The following ZBTB7C variants were observed in gnomAD, a reference collection of about 807,000 sequenced individuals.
The protein encoded by ZBTB7C is zinc finger and BTB domain containing 7C, also known as zinc finger and BTB domain-containing protein 7C.
Under a neutral mutation model 25.7 loss-of-function variants are expected in ZBTB7C, and 8 were observed. The ratio of observed to expected loss-of-function variants is 0.31; its 90% CI spans 0.18 to 0.56. The LOEUF (loss-of-function observed/expected upper bound fraction) is 0.56. Ranked by LOEUF, ZBTB7C falls within the 20% of genes least tolerant of loss-of-function variation. ZBTB7C has a pLI of 0.91. For missense variants in ZBTB7C, 824 were observed against 855.2 expected, an observed-to-expected ratio of 0.96 and a Z score of 0.46; for synonymous variants, 394 against 369.0, an observed-to-expected ratio of 1.07 and a Z score of -0.78.
At chr18:48,057,321 C>A (rs752018684) in intron 3 of ZBTB7C, among the ~76,000 whole-genome samples, 21 of 151,848 alleles carry the variant, frequency 1.4e-4, no homozygotes, top group South Asian at 8.3e-4. Context: ...ATTCTATAGC[C>A]AACAATTGGA....
At chr18:48,270,689 C>CA (rs35344797) in intron 2 of ZBTB7C, among the ~76,000 whole-genome samples, 5,521 of 88,028 alleles carry the variant, frequency 0.063, 171 homozygotes, top group Middle Eastern at 0.13. Flanking sequence ...GACTCTGTCT[C>CA]AAAAAAAAAA....
At chr18:48,062,847 T>C (rs2144334564) in intron 3 of ZBTB7C, among the ~76,000 whole-genome samples, 1 of 152,356 alleles carries the variant, frequency 6.6e-6, no homozygotes, top group East Asian at 1.9e-4. Flanking sequence ...TCTACCTGGT[T>C]GTGGCAGAAA....
intron 3 of ZBTB7C, among the ~76,000 whole-genome samples, chr18:48,164,824 A>C (rs2041187618): frequency 6.6e-6 from 1 of 152,156 alleles, no homozygotes; most frequent in South Asian, 2.1e-4. Flanking sequence ...GATACTGTTC[A>C]GATGACTTTA....
intron 2 of ZBTB7C, among the ~76,000 whole-genome samples, chr18:48,286,973 C>T (rs1265225043): frequency 2.0e-5 from 3 of 152,086 alleles, no homozygotes; most frequent in South Asian, 4.2e-4. Flanking sequence ...ATTGCTTGAG[C>T]CCAGAAGGCA....
chr18:48,039,780 G>T, intron 4 of ZBTB7C, 120 bp downstream of exon 4: 2 of 1,047,848 alleles, frequency 1.9e-6, no homozygotes, highest in South Asian at 1.4e-5. Context: ...CTAGCCACGA[G>T]CCTGCATGTG....
intron 2 of ZBTB7C, among the ~76,000 whole-genome samples, chr18:48,316,832 C>T (rs939282967): frequency 6.6e-6 from 1 of 152,192 alleles, no homozygotes; most frequent in African/African-American, 2.4e-5. Flanking sequence ...AATGAAGAGA[C>T]CTCGTTCTAC....
chr18:48,279,632 C>T (rs1358562735), intron 2 of ZBTB7C, among the ~76,000 whole-genome samples: 1 of 152,170 alleles, frequency 6.6e-6, no homozygotes, highest in East Asian at 1.9e-4. Context: ...CCCAAAATGG[C>T]CTGCACTTGG....
chr18:48,089,609 C>T (rs762565961), intron 3 of ZBTB7C, among the ~76,000 whole-genome samples: 14 of 152,178 alleles, frequency 9.2e-5, no homozygotes, highest in South Asian at 2.1e-4. Context: ...ACACCGCTCA[C>T]ATGGGGCTCT....
chr18:48,292,552 G>A (rs1290663546), intron 2 of ZBTB7C, among the ~76,000 whole-genome samples: 2 of 152,180 alleles, frequency 1.3e-5, no homozygotes, highest in African/African-American at 4.8e-5. Flanking sequence ...AGAAGGACAG[G>A]GGCAAGCAGA....
chr18:48,040,495 T>TG lies in ZBTB7C; in HGVS notation c.612dup (p.Arg205GlnfsTer5). 1 of 1,613,032 alleles carries TG rather than the reference T, an allele frequency of 6.2e-7. No homozygotes were observed. ...GCCTGGAAGGAGTCAGGGAAGTCCCTGGGGGTGTCTGAATAGGCCTTCTCT... is the reference window on the plus strand; with the variant it reads ...GCCTGGAAGGAGTCAGGGAAGTCCCTGGGGGGTGTCTGAATAGGCCTTCTCT... On this transcript the variant is annotated frameshift_variant, in exon 4 of 5. Coordinates refer to ENST00000590800, the MANE Select transcript of ZBTB7C (RefSeq NM_001318841.2). LOFTEE classifies it high-confidence loss of function.
At chr18:48,382,485 G>A (rs148343094) in intron 1 of ZBTB7C, among the ~76,000 whole-genome samples, 248 of 152,230 alleles carry the variant, frequency 1.6e-3, no homozygotes, top group African/African-American at 5.4e-3. Context: ...TGAAGTTGTC[G>A]ACAGCTACTA....
At chr18:48,271,508 ATT>A (rs1213447574) in intron 2 of ZBTB7C, among the ~76,000 whole-genome samples, 1 of 147,424 alleles carries the variant, frequency 6.8e-6, no homozygotes. Flanking sequence ...ATTATATAGT[ATT>A]TTATATATAG....
At chr18:48,324,419 G>C (rs2046169266) in intron 2 of ZBTB7C, among the ~76,000 whole-genome samples, 1 of 151,926 alleles carries the variant, frequency 6.6e-6, no homozygotes, top group Admixed American at 6.6e-5. Context: ...CTCCAGTGAG[G>C]AGGTGGATTA....
intron 1 of ZBTB7C, among the ~76,000 whole-genome samples, chr18:48,397,447 C>T (rs2048056571): frequency 6.6e-6 from 1 of 152,160 alleles, no homozygotes; most frequent in Non-Finnish European, 1.5e-5. Context: ...AGAATTTGGG[C>T]TCTGGAATCA....
At chr18:48,179,311 G>C (rs1054762886) in intron 3 of ZBTB7C, among the ~76,000 whole-genome samples, 1 of 152,220 alleles carries the variant, frequency 6.6e-6, no homozygotes, top group South Asian at 2.1e-4. Flanking sequence ...CTGCATGGCT[G>C]AGCAAGGCTT....
At chr18:48,382,084 A>G (rs1025783713) in intron 1 of ZBTB7C, among the ~76,000 whole-genome samples, 1 of 152,248 alleles carries the variant, frequency 6.6e-6, no homozygotes, top group Non-Finnish European at 1.5e-5. Context: ...CGTGCACTGT[A>G]GTGCAAGTGG....
At chr18:48,373,969 A>AT (rs2047454626) in intron 1 of ZBTB7C, among the ~76,000 whole-genome samples, 1 of 150,796 alleles carries the variant, frequency 6.6e-6, no homozygotes, top group Non-Finnish European at 1.5e-5. Flanking sequence ...TCAAAAAAAA[A>AT]AAAAGCATGT....
intron 3 of ZBTB7C, among the ~76,000 whole-genome samples, chr18:48,124,147 A>T (rs997795379): frequency 1.3e-5 from 2 of 152,186 alleles, no homozygotes; most frequent in African/African-American, 4.8e-5. Context: ...GGCATCAGTT[A>T]CTTTGGGGCA....
chr18:48,044,525 G>A (rs958915130), intron 3 of ZBTB7C, among the ~76,000 whole-genome samples: 1 of 152,254 alleles, frequency 6.6e-6, no homozygotes, highest in Non-Finnish European at 1.5e-5. Context: ...CAGCTGGGCT[G>A]GGGGCCAGCA....
Sources: gnomAD v4.1 joint callset for allele counts (sites outside exome capture counted in the v4.1 genomes callset) on GRCh38, gnomAD v4.1.1 for gene constraint, MANE v1.5 for transcripts, NCBI Gene and HGNC (gene_info 2026-07-23, HGNC 2026-07-21) for gene names.